The following HDGF variants were observed in gnomAD, a reference collection of about 807,000 sequenced individuals.
HDGF encodes the protein hepatoma-derived growth factor.
HDGF carries 5 observed loss-of-function variants against 30.0 expected under a neutral mutation model. The ratio of observed to expected loss-of-function variants is 0.17; its 90% CI spans 0.09 to 0.35. The LOEUF (loss-of-function observed/expected upper bound fraction) is 0.35. Among genes scored for constraint, HDGF ranks in the 10% least tolerant of loss-of-function variants. HDGF has a pLI of 1.00. For synonymous variants in HDGF, 133 were observed against 112.7 expected, an observed-to-expected ratio of 1.18 and a Z score of -1.14; for missense variants, 214 against 302.8, an observed-to-expected ratio of 0.71 and a Z score of 2.18.
intron 1 of HDGF, among the ~76,000 whole-genome samples, chr1:156,760,501 G>A (rs914147987): frequency 6.6e-6 from 1 of 152,224 alleles, no homozygotes; most frequent in Non-Finnish European, 1.5e-5. Flanking sequence ...GGACTGAAAG[G>A]CTGTTTCTGC....
Position 156,745,297 on chromosome 1 carries a change from G to A in HDGF, c.164C>T (p.Thr55Met), listed in dbSNP as rs1385420300. ...CTATACCCCTTTGGCCTCCACTCAC[G>A]TCTCGTGGGTCCCGAAAAAAAAGAC... The part of the protein sequence containing the change: ...YQVFFFGTHE[T>M]AFLGPKDLFP... Residue 55 changes from threonine (T) to methionine (M), a missense_variant and splice_region_variant, in exon 2 of 6, where the codon ACG (threonine) becomes ATG (methionine). By Grantham distance (81) the Thr-to-Met change is moderately conservative. Transcript: ENST00000357325. 22 of 1,613,518 alleles carry A rather than the reference G, an allele frequency of 1.4e-5. No individual in the cohort carries two copies. The highest frequency in any genetic ancestry group is 2.2e-5 in the East Asian group (1 of 44,856).
intron 3 of HDGF, 114 bp from the exon 4 acceptor site, chr1:156,744,462 C>T: frequency 6.3e-7 from 1 of 1,583,846 alleles, no homozygotes; most frequent in Non-Finnish European, 8.6e-7. Context: ...CCCCCACCCC[C>T]ACCCAGGTGC....
chr1:156,751,888 T>C (rs1651008293), upstream of HDGF: 1 of 950,638 alleles, frequency 1.1e-6, no homozygotes, highest in Non-Finnish European at 1.5e-6. This position sits in a 1 kb window ranked among gnomAD's most constrained non-coding sequence, Gnocchi z 4.7. Context: ...TGACGGCGCG[T>C]GGCGGCACAG....
intron 1 of HDGF, among the ~76,000 whole-genome samples, chr1:156,748,469 G>A (rs1024199112): frequency 1.3e-5 from 2 of 152,204 alleles, no homozygotes; most frequent in Admixed American, 6.5e-5. Flanking sequence ...GGGACCCCAC[G>A]GTACCCCCTC....
chr1:156,752,221 G>A (rs923609473), upstream of HDGF: 1 of 1,551,826 alleles, frequency 6.4e-7, no homozygotes, highest in East Asian at 2.4e-5. Flanking sequence ...GGACCTCGCC[G>A]TGCTTACCGT....
In HDGF at chr1:156,744,269, T is replaced by C. The variant is rs767358031; in HGVS notation, c.383A>G (p.Asn128Ser). ...AAEGDGDKKG[N>S]AEGSSDEEGK... is the part of the protein sequence containing the mutation. ...TTCCTCGTCGCTGCTGCCCTCTGCATTCCCCTTCTTATCACCGTCACCCTC... is the reference window on the plus strand; with the variant it reads ...TTCCTCGTCGCTGCTGCCCTCTGCACTCCCCTTCTTATCACCGTCACCCTC... The change falls in exon 4 of 6, where the codon AAT becomes AGT. Residue 128 changes from asparagine to serine, a missense_variant. By Grantham distance (46) the Asn-to-Ser change is conservative. Transcript: ENST00000357325. The C allele has an allele frequency of 1.9e-6, 3 of 1,614,146 alleles. No homozygotes were observed. The South Asian group carries it at 3.3e-5, about 18-fold the overall frequency.
intron 1 of HDGF, 60 bp from the exon 2 acceptor site, chr1:156,745,433 G>C (rs1650464017): frequency 1.4e-6 from 2 of 1,428,612 alleles, no homozygotes; most frequent in East Asian, 4.7e-5. Flanking sequence ...CCTGAGGCAG[G>C]GGTGCTGACC....
At chr1:156,760,135 C>T (rs1651223913) in intron 1 of HDGF, among the ~76,000 whole-genome samples, 1 of 152,240 alleles carries the variant, frequency 6.6e-6, no homozygotes, top group African/African-American at 2.4e-5. Context: ...GCCCACCATT[C>T]TGTACAGCCA....
At chr1:156,762,796 C>CGGGAGGCGGAGGTTGTG (rs1248351726) in intron 1 of HDGF, among the ~76,000 whole-genome samples, 1 of 151,650 alleles carries the variant, frequency 6.6e-6, no homozygotes, top group Non-Finnish European at 1.5e-5. Flanking sequence ...TGCTTGAACC[C>CGGGAGGCGGAGGTTGTG]GGGAGGCGGA....
intron 1 of HDGF, among the ~76,000 whole-genome samples, chr1:156,745,646 C>G (rs1650481942): frequency 6.6e-6 from 1 of 152,238 alleles, no homozygotes; most frequent in Non-Finnish European, 1.5e-5. Flanking sequence ...ACAAAGCCCC[C>G]TGACTTTGCC....
chr1:156,744,295 T>C lies in HDGF; in HGVS notation c.357A>G (p.Ala119=). 6.2e-7 allele frequency: 1 copy of C among 1,614,188 alleles called. No homozygotes were observed. Among genetic ancestry groups the C allele is most frequent in the East Asian group, 2.2e-5 (1 of 44,880 alleles). The change falls in exon 4 of 6, where the codon GCA becomes GCG. Residue 119 remains alanine, a synonymous_variant. Transcript: ENST00000357325. ...TCCCCTTCTTATCACCGTCACCCTCTGCAGCTTCGGGCTCTGGTTCAGGCT... is the reference window on the plus strand; with the variant it reads ...TCCCCTTCTTATCACCGTCACCCTCCGCAGCTTCGGGCTCTGGTTCAGGCT... ...VEEPEPEPEA[A]EGDGDKKGNA... is the part of the protein sequence containing the mutation.
At chr1:156,743,514 C>T in intron 5 of HDGF, 59 bp from the exon 6 acceptor site, 4 of 1,583,514 alleles carry the variant, frequency 2.5e-6, no homozygotes, top group South Asian at 1.2e-5. Context: ...CTGGCCTTGC[C>T]CCAGCCAGTG....
upstream of HDGF, among the ~76,000 whole-genome samples, chr1:156,754,993 G>A (rs1414555035): frequency 6.6e-6 from 1 of 152,106 alleles, no homozygotes; most frequent in African/African-American, 2.4e-5. Flanking sequence ...CAGGAGGTTC[G>A]GAGTGTGTGC....
chr1:156,752,965 A>G (rs774269312), upstream of HDGF, among the ~76,000 whole-genome samples: 21 of 152,268 alleles, frequency 1.4e-4, no homozygotes, highest in Middle Eastern at 6.8e-3. Flanking sequence ...CCAAACCCAC[A>G]TCCTACCCTG....
chr1:156,766,210 G>C (rs1295179199), intron 1 of HDGF, among the ~76,000 whole-genome samples: 1 of 152,212 alleles, frequency 6.6e-6, no homozygotes, highest in Non-Finnish European at 1.5e-5. Flanking sequence ...TCGTCTGATA[G>C]AGGATTCAAG....
At chr1:156,759,445 T>C (rs375151487) in intron 1 of HDGF, among the ~76,000 whole-genome samples, 11 of 152,128 alleles carry the variant, frequency 7.2e-5, no homozygotes, top group African/African-American at 2.4e-4. Flanking sequence ...TGAGACTCCA[T>C]ATTTGTACAT....
exon 2 of HDGF, chr1:156,759,090 A>G (rs761996778): frequency 6.6e-6 from 1 of 152,182 alleles, no homozygotes; most frequent in Non-Finnish European, 1.5e-5. Context: ...TTGGACCTCA[A>G]AGGAGAGATC....
upstream of HDGF, chr1:156,752,130 C>T (rs1017023723): frequency 3.2e-6 from 5 of 1,551,414 alleles, no homozygotes; most frequent in Non-Finnish European, 4.4e-6. Flanking sequence ...TTACTGGGCA[C>T]CCGCGGTTCT....
At chr1:156,767,018 C>T (rs1415208829), upstream of HDGF, 1 of 152,210 alleles carries the variant, frequency 6.6e-6, no homozygotes, top group East Asian at 1.9e-4. Context: ...GTACGGGTCC[C>T]TTGGGCCCTT....
Sources: gnomAD v4.1 joint callset for allele counts (sites outside exome capture counted in the v4.1 genomes callset) on GRCh38, gnomAD v4.1.1 for gene constraint, Gnocchi (gnomAD v3.1) non-coding constraint, MANE v1.5 for transcripts, NCBI Gene and HGNC (gene_info 2026-07-23, HGNC 2026-07-21) for gene names.